CDK14: variants seen among roughly 807,000 people sequenced by gnomAD.
CDK14 encodes cyclin-dependent kinase 14.
Under a neutral mutation model 60.7 loss-of-function variants are expected in CDK14, and 34 were observed. The observed-to-expected ratio is 0.56, with a 90% CI of 0.43 to 0.75. The LOEUF (loss-of-function observed/expected upper bound fraction) is 0.75, where lower values mean the gene tolerates loss of function less well. Among genes scored for constraint, CDK14 ranks in the 30% least tolerant of loss-of-function variants. The pLI is 0.00. For missense variants in CDK14, 482 were observed against 564.1 expected, an observed-to-expected ratio of 0.85 and a Z score of 1.47; for synonymous variants, 197 against 203.7, an observed-to-expected ratio of 0.97 and a Z score of 0.28.
At chr7:91,173,868 C>A (rs1421928697) in intron 14 of CDK14, among the ~76,000 whole-genome samples, 1 of 152,026 alleles carries the variant, frequency 6.6e-6, no homozygotes, top group Non-Finnish European at 1.5e-5. Flanking sequence ...AAGGCGGCAG[C>A]GAGGCTGGGG....
At chr7:91,145,429 C>T (rs1181262051) in intron 14 of CDK14, among the ~76,000 whole-genome samples, 3 of 152,136 alleles carry the variant, frequency 2.0e-5, no homozygotes, top group African/African-American at 4.8e-5. Context: ...CTTTAAAAGT[C>T]GCAAAAAAAT....
At chr7:90,608,934 G>A (rs1799478382) in intron 2 of CDK14, among the ~76,000 whole-genome samples, 1 of 152,132 alleles carries the variant, frequency 6.6e-6, no homozygotes, top group African/African-American at 2.4e-5. Context: ...TCTGTTAGGT[G>A]GAGACTGTGC....
chr7:91,205,093 G>A (rs1350507792), intron 14 of CDK14, among the ~76,000 whole-genome samples: 1 of 152,180 alleles, frequency 6.6e-6, no homozygotes, highest in African/African-American at 2.4e-5. Flanking sequence ...TGGTGGAAAT[G>A]TGAAATGGTA....
At chr7:90,672,650 G>T (rs1016924291) in intron 2 of CDK14, among the ~76,000 whole-genome samples, 1 of 151,174 alleles carries the variant, frequency 6.6e-6, no homozygotes, top group African/African-American at 2.4e-5. Flanking sequence ...GTCCTGAGTA[G>T]CTTGGACTAC....
In CDK14 at chr7:90,791,972, G is replaced by A. The variant is rs548194425; in HGVS notation, c.544+1320G>A. On this transcript the variant is annotated intron_variant, in intron 5 of 14. Transcript: ENST00000380050. ...GGCTGGAGTGCAATGGCACAATCTC[G>A]GCTCACTGCAACCTCTGTCTCCCCG... Among the ~76,000 whole-genome samples, 8 of 148,210 alleles carry A rather than the reference G, an allele frequency of 5.4e-5. No homozygotes were observed. The South Asian group carries it at 1.3e-3, about 24-fold the overall frequency.
chr7:90,851,774 GT>G (rs35561978), intron 5 of CDK14, among the ~76,000 whole-genome samples: 121 of 149,572 alleles, frequency 8.1e-4, no homozygotes, highest in Admixed American at 3.3e-3. Context: ...TTGAATACCT[GT>G]TTTTTTTTTA....
chr7:90,807,553 G>A (rs982632713), intron 5 of CDK14, among the ~76,000 whole-genome samples: 2 of 152,170 alleles, frequency 1.3e-5, no homozygotes, highest in African/African-American at 2.4e-5. Context: ...CTAAAAATCC[G>A]AGTGCCTCTC....
chr7:91,037,313 A>T (rs1796959252), intron 10 of CDK14, among the ~76,000 whole-genome samples: 1 of 152,160 alleles, frequency 6.6e-6, no homozygotes, highest in Non-Finnish European at 1.5e-5. Context: ...CCTTCAAGTA[A>T]CTGATAAAAA....
chr7:90,960,107 C>T (rs1397449757), intron 9 of CDK14, among the ~76,000 whole-genome samples: 2 of 152,216 alleles, frequency 1.3e-5, no homozygotes, highest in Non-Finnish European at 2.9e-5. Context: ...AAGCTCTGCT[C>T]AAGCTGTTGA....
chr7:90,692,558 C>T (rs561490466), intron 2 of CDK14: 13 of 251,774 alleles, frequency 5.2e-5, no homozygotes, highest in Non-Finnish European at 8.2e-5. Context: ...TTACATGCCA[C>T]GTTTGTTTTT....
At chr7:90,752,594 A>G (rs1337602851) in intron 4 of CDK14, among the ~76,000 whole-genome samples, 6 of 152,294 alleles carry the variant, frequency 3.9e-5, no homozygotes, top group South Asian at 2.1e-4. Context: ...CATCACTCCT[A>G]GAGGAACTAG....
chr7:91,198,536 G>A (rs922298056), intron 14 of CDK14, among the ~76,000 whole-genome samples: 5 of 152,178 alleles, frequency 3.3e-5, no homozygotes, highest in Admixed American at 3.3e-4. Context: ...TCTTGGGCTT[G>A]CATGCACTGT....
chr7:90,877,081 G>C (rs1029041169), intron 6 of CDK14, among the ~76,000 whole-genome samples: 3 of 152,110 alleles, frequency 2.0e-5, no homozygotes, highest in African/African-American at 4.8e-5. Flanking sequence ...ATGATTTTGA[G>C]ATGTTGACAC....
intron 10 of CDK14, among the ~76,000 whole-genome samples, chr7:91,008,137 A>ACC (rs887985880): frequency 3.5e-5 from 5 of 143,576 alleles, no homozygotes; most frequent in African/African-American, 1.3e-4. Flanking sequence ...CAAAAAAAAA[A>ACC]AAAAAAAACA....
chr7:90,815,126 T>G (rs1165087824), intron 5 of CDK14, among the ~76,000 whole-genome samples: 3 of 152,264 alleles, frequency 2.0e-5, no homozygotes, highest in Admixed American at 2.0e-4. Flanking sequence ...CAGTCAATTG[T>G]GTTCAATTAT....
At chr7:90,735,583 G>T (rs1803061411) in intron 3 of CDK14, among the ~76,000 whole-genome samples, 1 of 152,226 alleles carries the variant, frequency 6.6e-6, no homozygotes, top group African/African-American at 2.4e-5. Context: ...GCTACAGTGG[G>T]CTCTGCCCAT....
chr7:90,962,720 G>A (rs1794636764), intron 9 of CDK14, among the ~76,000 whole-genome samples: 1 of 152,054 alleles, frequency 6.6e-6, no homozygotes, highest in African/African-American at 2.4e-5. Flanking sequence ...CAAAATAATT[G>A]GCTATCCACA....
intron 14 of CDK14, among the ~76,000 whole-genome samples, chr7:91,180,675 G>A (rs1472621217): frequency 6.6e-6 from 1 of 152,192 alleles, no homozygotes; most frequent in Non-Finnish European, 1.5e-5. Flanking sequence ...TGGAGTAGAT[G>A]AGGGTCTCTC....
intron 2 of CDK14, among the ~76,000 whole-genome samples, chr7:90,713,052 A>G (rs1487803121): frequency 1.3e-5 from 2 of 152,094 alleles, no homozygotes; most frequent in Non-Finnish European, 2.9e-5. Flanking sequence ...AACCCCAAGT[A>G]TCCTCTGAGT....
Sources: allele counts gnomAD v4.1 joint callset (sites outside exome capture counted in the v4.1 genomes callset), GRCh38; gene constraint gnomAD v4.1.1; transcripts MANE v1.5; gene names NCBI Gene and HGNC (gene_info 2026-07-23, HGNC 2026-07-21).